The following AGBL4 variants were observed in gnomAD, a reference collection of about 807,000 sequenced individuals.
The protein encoded by AGBL4 is AGBL carboxypeptidase 4.
A neutral mutation model predicts 66.4 loss-of-function variants in AGBL4; 58 were observed. That is an observed-to-expected ratio of 0.87 (90% CI 0.71 to 1.09). AGBL4 has a LOEUF of 1.09. Among genes scored for constraint, AGBL4 ranks in the 50% least tolerant of loss-of-function variants. The probability of loss-of-function intolerance (pLI) is 0.00; values close to 1 mark genes in which losing one functional copy is unlikely to be tolerated. For synonymous variants in AGBL4, 234 were observed against 222.9 expected, an observed-to-expected ratio of 1.05 and a Z score of -0.44; for missense variants, 579 against 631.0, an observed-to-expected ratio of 0.92 and a Z score of 0.88.
chr1:49,233,408 A>G (rs1012517214), intron 4 of AGBL4, among the ~76,000 whole-genome samples: 20 of 152,264 alleles, frequency 1.3e-4, no homozygotes, highest in African/African-American at 4.6e-4. Flanking sequence ...GTGAATATTA[A>G]TAACAACAAC....
At chr1:49,843,296 T>TTG (rs71307607) in intron 2 of AGBL4, among the ~76,000 whole-genome samples, 88,306 of 147,738 alleles carry the variant, frequency 0.6, 26,358 homozygotes, top group Middle Eastern at 0.64. Flanking sequence ...CTAGCTAATT[T>TTG]TGTGTGTGTG....
At chr1:48,992,005 T>C (rs895081341) in intron 5 of AGBL4, among the ~76,000 whole-genome samples, 9 of 152,168 alleles carry the variant, frequency 5.9e-5, no homozygotes, top group African/African-American at 2.2e-4. Flanking sequence ...TTTGGTTCAT[T>C]TGGTGAGGTC....
intron 2 of AGBL4, among the ~76,000 whole-genome samples, chr1:49,749,115 TTCTTC>T (rs1651240895): frequency 6.6e-6 from 1 of 152,230 alleles, no homozygotes; most frequent in Non-Finnish European, 1.5e-5. Context: ...TGCCTAGGTT[TTCTTC>T]TAGGGTTTTT....
At chr1:49,727,623 G>T (rs76685783) in intron 2 of AGBL4, among the ~76,000 whole-genome samples, 2 of 152,022 alleles carry the variant, frequency 1.3e-5, no homozygotes, top group Non-Finnish European at 2.9e-5. Flanking sequence ...ACAATATAAC[G>T]TATCTACCAA....
chr1:49,985,967 G>C (rs578108979), intron 1 of AGBL4, among the ~76,000 whole-genome samples: 3 of 152,126 alleles, frequency 2.0e-5, no homozygotes, highest in African/African-American at 7.2e-5. Context: ...AATTCCTCCT[G>C]CTTCAACGCT....
intron 5 of AGBL4, among the ~76,000 whole-genome samples, chr1:49,015,846 G>A (rs2149013846): frequency 6.6e-6 from 1 of 152,094 alleles, no homozygotes; most frequent in Non-Finnish European, 1.5e-5. Context: ...AGAAACCCGA[G>A]TCTTCAGTAA....
At chr1:49,447,786 T>C (rs1416783477) in intron 3 of AGBL4, among the ~76,000 whole-genome samples, 1 of 152,220 alleles carries the variant, frequency 6.6e-6, no homozygotes, top group Admixed American at 6.5e-5. Flanking sequence ...TTCCTCTACT[T>C]GATTCCTTCT....
chr1:49,289,429 A>G (rs527730341), intron 3 of AGBL4, among the ~76,000 whole-genome samples: 2 of 152,160 alleles, frequency 1.3e-5, no homozygotes, highest in African/African-American at 4.8e-5. Flanking sequence ...ATATGATTCT[A>G]TTTATAAAAA....
intron 2 of AGBL4, among the ~76,000 whole-genome samples, chr1:49,779,216 A>C (rs571173651): frequency 1.3e-5 from 2 of 152,372 alleles, no homozygotes; most frequent in East Asian, 1.9e-4. Context: ...ACAAGATTAC[A>C]AAGTATTTGA....
chr1:49,481,589 C>A (rs890448967), intron 3 of AGBL4, among the ~76,000 whole-genome samples: 1 of 152,020 alleles, frequency 6.6e-6, no homozygotes, highest in Non-Finnish European at 1.5e-5. Flanking sequence ...AGTTTGACTT[C>A]TTCTTTTCCT....
chr1:49,751,548 T>A (rs1013162445), intron 2 of AGBL4, among the ~76,000 whole-genome samples: 2 of 152,170 alleles, frequency 1.3e-5, no homozygotes, highest in African/African-American at 4.8e-5. Context: ...TTTTCTTTTG[T>A]GTTGGATCTC....
intron 5 of AGBL4, among the ~76,000 whole-genome samples, chr1:48,933,641 A>G (rs1357506325): frequency 1.3e-5 from 2 of 152,220 alleles, no homozygotes; most frequent in Non-Finnish European, 2.9e-5. Context: ...GTTACTTCAC[A>G]TCTCTAACCT....
chr1:49,235,971 C>G (rs868710693), intron 4 of AGBL4, among the ~76,000 whole-genome samples: 3 of 151,824 alleles, frequency 2.0e-5, no homozygotes, highest in Non-Finnish European at 4.4e-5. Flanking sequence ...GTTTCTTTTT[C>G]TCAGGTCAAA....
chr1:49,437,631 C>T (rs986674381), intron 3 of AGBL4, among the ~76,000 whole-genome samples: 1 of 152,078 alleles, frequency 6.6e-6, no homozygotes, highest in Admixed American at 6.6e-5. Context: ...CTATGATAAG[C>T]ACTTAATTCT....
intron 4 of AGBL4, among the ~76,000 whole-genome samples, chr1:49,235,997 GATTT>G (rs3052026): frequency 0.092 from 13,617 of 148,400 alleles, 849 homozygotes; most frequent in East Asian, 0.32. Context: ...CATTTTGAAG[GATTT>G]ATTTATTTAT....
chr1:48,526,083 G>C, the AGBL4 span, among the ~76,000 whole-genome samples: 1 of 152,184 alleles, frequency 6.6e-6, no homozygotes, highest in Non-Finnish European at 1.5e-5. Flanking sequence ...AGGACATATG[G>C]GGACATCCAG....
At position 49,550,065 on chromosome 1, in the gene AGBL4, CT is replaced by C. The variant is rs542658910; in HGVS notation, c.282+147247del. Among the ~76,000 whole-genome samples the C allele has an allele frequency of 1.1e-3, 174 of 152,258 alleles. 1 individual carries two copies. Among genetic ancestry groups the C allele is most frequent in the African/African-American group, 4.0e-3 (166 of 41,568 alleles). On this transcript the variant is annotated intron_variant, in intron 3 of 13. Transcript: ENST00000371839. ...TCTTTGTCTCTTGTAACTGCTGTTGCTTTAAAGTGTGTTTTGTTTGATATAA... is the reference window on the plus strand; with the variant it reads ...TCTTTGTCTCTTGTAACTGCTGTTGCTTAAAGTGTGTTTTGTTTGATATAA...
At chr1:49,045,197 G>A (rs558853639) in intron 5 of AGBL4, among the ~76,000 whole-genome samples, 1 of 152,262 alleles carries the variant, frequency 6.6e-6, no homozygotes, top group East Asian at 1.9e-4. Flanking sequence ...TCCTATCAGA[G>A]GCTCACAGTA....
intron 3 of AGBL4, among the ~76,000 whole-genome samples, chr1:49,637,374 C>G (rs549496355): frequency 8.7e-4 from 133 of 152,018 alleles, no homozygotes; most frequent in Admixed American, 1.7e-3. Flanking sequence ...GATCTCGGCT[C>G]GCTGCAACCT....
Sources: gnomAD v4.1 joint callset for allele counts (sites outside exome capture counted in the v4.1 genomes callset) on GRCh38, gnomAD v4.1.1 for gene constraint, MANE v1.5 for transcripts, NCBI Gene and HGNC (gene_info 2026-07-23, HGNC 2026-07-21) for gene names.